Variants in ZNF536 observed in about 807,000 individuals in gnomAD.
ZNF536 encodes the protein zinc finger protein 536.
Under a neutral mutation model 84.5 loss-of-function variants are expected in ZNF536, and 13 were observed. That is an observed-to-expected ratio of 0.15 (90% CI 0.10 to 0.24). ZNF536 has a LOEUF of 0.24. Among genes scored for constraint, ZNF536 ranks in the 10% least tolerant of loss-of-function variants. The pLI is 1.00. For missense variants in ZNF536, 1,536 were observed against 1,747.5 expected (o/e 0.88, Z 2.16); for synonymous variants, 811 against 742.5 (o/e 1.09, Z -1.50).
At chr19:30,604,868 A>G (rs1331218214) in intron 1 of ZNF536, among the ~76,000 whole-genome samples, 1 of 152,202 alleles carries the variant, frequency 6.6e-6, no homozygotes, top group African/African-American at 2.4e-5. Flanking sequence ...ATCTTCGTGC[A>G]TGAATGACTC....
At chr19:30,340,112 G>A (rs1013650666) in intron 2 of ZNF536, among the ~76,000 whole-genome samples, 3 of 152,174 alleles carry the variant, frequency 2.0e-5, no homozygotes, top group Non-Finnish European at 4.4e-5. Flanking sequence ...AAGGGACAGT[G>A]GTGGGGACAG....
At chr19:30,380,508 G>T (rs143023148) in intron 1 of ZNF536, among the ~76,000 whole-genome samples, 1,768 of 152,296 alleles carry the variant, frequency 0.012, 40 homozygotes, top group African/African-American at 0.041. Flanking sequence ...CCAAAAAAGA[G>T]GGGAGACACA....
chr19:30,658,022 C>T (rs924776248), intron 1 of ZNF536, among the ~76,000 whole-genome samples: 3 of 151,160 alleles, frequency 2.0e-5, no homozygotes, highest in African/African-American at 4.8e-5. Flanking sequence ...TTCCATTCCC[C>T]CCCCCCTTTT....
At position 30,345,130 on chromosome 19, in the gene ZNF536, G is replaced by A. The variant is rs551121359; in HGVS notation, c.-119-7238G>A. Among the ~76,000 whole-genome samples the A allele has an allele frequency of 8.5e-5, 13 of 152,252 alleles. No homozygotes were observed. In the South Asian group the frequency reaches 1.5e-3, roughly 17 times the overall value. On this transcript the variant is annotated intron_variant, in intron 2 of 5. Coordinates refer to the ZNF536 transcript ENST00000585628. Reference sequence around the variant, plus strand: ...TAATTCGTTCTTGCAACAACCTTACGTGGTAGGTACTACCATCATCCCTAT... The same window carrying A: ...TAATTCGTTCTTGCAACAACCTTACATGGTAGGTACTACCATCATCCCTAT...
intron 2 of ZNF536, among the ~76,000 whole-genome samples, chr19:30,518,958 A>T (rs1023777049): frequency 2.5e-4 from 38 of 152,344 alleles, no homozygotes; most frequent in African/African-American, 7.7e-4. Flanking sequence ...GGGAAAGCCA[A>T]GTTTGCTTCC....
At chr19:30,510,479 C>G (rs2055363296) in intron 2 of ZNF536, among the ~76,000 whole-genome samples, 1 of 152,188 alleles carries the variant, frequency 6.6e-6, no homozygotes, top group Admixed American at 6.5e-5. Context: ...TGGGAGGCTT[C>G]AACTTGCCCT....
At chr19:30,620,916 C>A (rs2048460387) in intron 1 of ZNF536, among the ~76,000 whole-genome samples, 1 of 151,856 alleles carries the variant, frequency 6.6e-6, no homozygotes, top group African/African-American at 2.4e-5. Context: ...ATTTGTGTCA[C>A]CTGTACTAGG....
intron 1 of ZNF536, among the ~76,000 whole-genome samples, chr19:30,253,608 G>T (rs991837224): frequency 1.3e-5 from 2 of 152,208 alleles, no homozygotes; most frequent in African/African-American, 4.8e-5. Flanking sequence ...GGAGGCAGGA[G>T]ACTGTGTCAT....
At chr19:30,336,411 G>C (rs1220002951) in intron 2 of ZNF536, among the ~76,000 whole-genome samples, 1 of 152,192 alleles carries the variant, frequency 6.6e-6, no homozygotes, top group Non-Finnish European at 1.5e-5. Context: ...TGTTGGACAG[G>C]ACAAGGGGAA....
At chr19:30,484,301 A>G (rs1161570495) in intron 2 of ZNF536, among the ~76,000 whole-genome samples, 1 of 141,908 alleles carries the variant, frequency 7.0e-6, no homozygotes, top group Non-Finnish European at 1.5e-5. Flanking sequence ...ATCTCAGCTC[A>G]CTGCAACCTC....
rs202189721 is a variant in ZNF536 at position 30,548,910 on chromosome 19, C to T, written c.3291C>T (p.Thr1097=). The T allele has an allele frequency of 3.0e-5, 49 of 1,613,976 alleles. No individual in the cohort carries two copies. Among genetic ancestry groups the T allele is most frequent in the Middle Eastern group, 1.6e-4 (1 of 6,084 alleles). The change falls in exon 4 of 5, where the codon ACC becomes ACT. Residue 1097 remains threonine, a synonymous_variant. Coordinates refer to ENST00000355537, the MANE Select transcript of ZNF536 (RefSeq NM_014717.3). ...TLGEQKSGAW[T]GHVDPAFCNF... ...GAGAGCAGAAGAGCGGTGCATGGAC[C>T]GGCCACGTGGACCCTGCATTTTGTA...
At chr19:30,546,085 GT>G (rs2090276352) in intron 3 of ZNF536, among the ~76,000 whole-genome samples, 1 of 152,128 alleles carries the variant, frequency 6.6e-6, no homozygotes, top group African/African-American at 2.4e-5. Flanking sequence ...GACTGCCTCT[GT>G]TACACCTGAT....
At chr19:30,466,121 G>A (rs1334897768) in intron 2 of ZNF536, among the ~76,000 whole-genome samples, 1 of 152,044 alleles carries the variant, frequency 6.6e-6, no homozygotes, top group African/African-American at 2.4e-5. Flanking sequence ...AAGGGAGGAG[G>A]CTGAGGTGGG....
chr19:30,445,889 C>A lies in ZNF536; in HGVS notation c.2170+157C>A, dbSNP rs1049625563. On this transcript the variant is annotated intron_variant, in intron 2 of 4. Coordinates refer to ENST00000355537, the MANE Select transcript of ZNF536 (RefSeq NM_014717.3). This position sits in a 1 kb window ranked among gnomAD's most constrained non-coding sequence, Gnocchi z 4.5. ...ACTGGGCCATGCCTTTCTTTCCCCC[C>A]CTGACTGGAGGGAAAGGGCCGTCCT... 6.6e-5 allele frequency among the ~76,000 whole-genome samples: 10 copies of A among 152,120 alleles called. No individual in the cohort carries two copies. The highest frequency in any genetic ancestry group is 1.0e-4 in the Non-Finnish European group (7 of 68,006).
chr19:30,661,408 A>G (rs551976505), intron 1 of ZNF536, among the ~76,000 whole-genome samples: 1 of 152,338 alleles, frequency 6.6e-6, no homozygotes, highest in South Asian at 2.1e-4. Flanking sequence ...CCTGCAAAGG[A>G]AAAGGCTGGT....
intron 2 of ZNF536, among the ~76,000 whole-genome samples, chr19:30,315,555 TGGA>T (rs1048291726): frequency 3.9e-5 from 6 of 152,198 alleles, no homozygotes; most frequent in African/African-American, 1.4e-4. Context: ...GTCTTGGTAC[TGGA>T]GGAGGAGGGG....
chr19:30,383,701 C>CTTTCTTTCTCTTTCTTTCTT (rs1555737833), intron 1 of ZNF536, among the ~76,000 whole-genome samples: 4 of 11,562 alleles, frequency 3.5e-4, no homozygotes, highest in Admixed American at 1.1e-3. Flanking sequence ...TCTTTTCTTT[C>CTTTCTTTCTCTTTCTTTCTT]TCTTTCTTTC....
At position 30,263,650 on chromosome 19, in the gene ZNF536, T is replaced by G. The variant is rs116774460; in HGVS notation, c.-189-20422T>G. Among the ~76,000 whole-genome samples the G allele has an allele frequency of 2.2e-3, 336 of 152,300 alleles. 1 individual carries two copies. The highest frequency in any genetic ancestry group is 7.9e-3 in the African/African-American group (329 of 41,564). ...CCCACTCAGCCCCAAGTCAAAAATTTGTTTACACTAATCAGATTTTCAGCT... is the reference window on the plus strand; with the variant it reads ...CCCACTCAGCCCCAAGTCAAAAATTGGTTTACACTAATCAGATTTTCAGCT... On this transcript the variant is annotated intron_variant, in intron 1 of 5. Coordinates refer to the ZNF536 transcript ENST00000585628.
chr19:30,354,399 G>A, intron 3 of ZNF536, among the ~76,000 whole-genome samples: 1 of 152,256 alleles, frequency 6.6e-6, no homozygotes, highest in Admixed American at 6.5e-5. Flanking sequence ...ATGGGGTCTT[G>A]CTCTGTCACC....
Sources: allele counts gnomAD v4.1 joint callset (sites outside exome capture counted in the v4.1 genomes callset), GRCh38; gene constraint gnomAD v4.1.1; non-coding constraint Gnocchi (gnomAD v3.1); transcripts MANE v1.5; gene names NCBI Gene and HGNC (gene_info 2026-07-23, HGNC 2026-07-21).